The following HEATR5A variants were observed in gnomAD, a reference collection of about 807,000 sequenced individuals.
The protein encoded by HEATR5A is HEAT repeat containing 5A, also known as HEAT repeat-containing protein 5A.
Under a neutral mutation model 218.8 loss-of-function variants are expected in HEATR5A, and 178 were observed. The ratio of observed to expected loss-of-function variants is 0.81; its 90% CI spans 0.72 to 0.92. The LOEUF (loss-of-function observed/expected upper bound fraction) is 0.92. Ranked by LOEUF, HEATR5A falls within the 40% of genes least tolerant of loss-of-function variation. HEATR5A has a pLI of 0.00. For synonymous variants in HEATR5A, 864 were observed against 871.6 expected (o/e 0.99, Z 0.15); for missense variants, 2,420 against 2,418.9 (o/e 1.00, Z -0.01).
At chr14:31,403,212 A>G (rs550816059) in intron 1 of HEATR5A, among the ~76,000 whole-genome samples, 163 bp from the exon 2 acceptor site, 1 of 152,296 alleles carries the variant, frequency 6.6e-6, no homozygotes, top group Non-Finnish European at 1.5e-5. Flanking sequence ...ACACTGACAT[A>G]AAATCCACCC....
intron 24 of HEATR5A, 97 bp from the exon 25 acceptor site, chr14:31,321,777 C>T (rs1595095097): frequency 1.2e-6 from 1 of 861,800 alleles, no homozygotes; most frequent in African/African-American, 1.7e-5. Flanking sequence ...AATTTTTCCT[C>T]CTTTAAGTAC....
intron 28 of HEATR5A, 46 bp from the exon 29 acceptor site, chr14:31,309,228 T>C: frequency 6.3e-7 from 1 of 1,586,484 alleles, no homozygotes; most frequent in East Asian, 2.2e-5. Context: ...ACTTCCAATA[T>C]ATTTTCTCTT....
intron 31 of HEATR5A, 54 bp downstream of exon 31, chr14:31,306,678 T>C: frequency 2.0e-6 from 3 of 1,516,814 alleles, no homozygotes; most frequent in Middle Eastern, 3.5e-4. Context: ...TAAATAATAC[T>C]TTACAAAAGA....
In HEATR5A at chr14:31,336,213, C is replaced by CACACACACATATAT. The variant is rs758047507; in HGVS notation, c.3367+1262_3367+1263insATATATGTGTGTGT. Among the ~76,000 whole-genome samples, 48 of 90,732 alleles carry CACACACACATATAT rather than the reference C, an allele frequency of 5.3e-4. 1 individual carries two copies. The highest frequency in any genetic ancestry group is 1.6e-3 in the African/African-American group (45 of 27,602). The allele number at this position is 90,732 out of a possible 152,430, so 59.5% of individuals were successfully genotyped here. On this transcript the variant is annotated intron_variant, in intron 22 of 35. Coordinates refer to ENST00000543095, the MANE Select transcript of HEATR5A (RefSeq NM_015473.4). ...AGGGGGTTATTTTTATATATACATACATACATATATATATATATATATATA... is the reference window on the plus strand; with the variant it reads ...AGGGGGTTATTTTTATATATACATACACACACACATATATATACATATATATATATATATATATA...
chr14:31,406,996 A>AAAAAG (rs2031087866), intron 1 of HEATR5A, among the ~76,000 whole-genome samples: 1 of 147,586 alleles, frequency 6.8e-6, no homozygotes, highest in South Asian at 2.2e-4. Flanking sequence ...AAAAAAAAAA[A>AAAAAG]GCGAGAAGTA....
At chr14:31,301,006 T>A (rs1487014656) in intron 33 of HEATR5A, among the ~76,000 whole-genome samples, 19 of 152,212 alleles carry the variant, frequency 1.2e-4, no homozygotes, top group Admixed American at 1.2e-3. Context: ...AATCACACCC[T>A]ACGGCAATTT....
chr14:31,310,634 C>T (rs1899715421), intron 28 of HEATR5A, among the ~76,000 whole-genome samples: 1 of 151,866 alleles, frequency 6.6e-6, no homozygotes. Context: ...AGCAAGACTC[C>T]ACCTCAAATA....
At chr14:31,369,043 T>C (rs1463399997) in intron 13 of HEATR5A, among the ~76,000 whole-genome samples, 1 of 152,022 alleles carries the variant, frequency 6.6e-6, no homozygotes, top group East Asian at 1.9e-4. Context: ...CACAAGATAA[T>C]CTAAGCACTT....
chr14:31,318,790 C>A (rs1310514839), intron 25 of HEATR5A, among the ~76,000 whole-genome samples: 1 of 152,142 alleles, frequency 6.6e-6, no homozygotes, highest in African/African-American at 2.4e-5. Context: ...CCCAGCCTCT[C>A]CCCAACTCTT....
chr14:31,374,066 G>A (rs563520916), intron 12 of HEATR5A, among the ~76,000 whole-genome samples: 2 of 152,226 alleles, frequency 1.3e-5, no homozygotes, highest in East Asian at 1.9e-4. Flanking sequence ...AACACTTTGG[G>A]AGGCTGAGGT....
In HEATR5A at chr14:31,308,784, T is replaced by C. The variant is rs1899638368; in HGVS notation, c.4690+150A>G. ...GCAGAGAGCTTAAGTAATTTATTTA[T>C]ATTTTTATTTTCAGTTGACAATAAT... On this transcript the variant is annotated intron_variant, in intron 29 of 35. Transcript: ENST00000543095. 6.6e-6 allele frequency: 4 copies of C among 609,664 alleles called. No homozygotes were observed. In the Admixed American group the frequency reaches 9.9e-5, roughly 15 times the overall value. The allele number at this position is 609,664 out of a possible 1,614,324, so 37.8% of individuals were successfully genotyped here.
At chr14:31,316,423 T>C (rs1899914367) in intron 26 of HEATR5A, among the ~76,000 whole-genome samples, 1 of 152,148 alleles carries the variant, frequency 6.6e-6, no homozygotes, top group Non-Finnish European at 1.5e-5. Context: ...AGAAATCCTA[T>C]GGAAGGAGAC....
chr14:31,371,877 G>A lies in HEATR5A; in HGVS notation c.1894C>T (p.Leu632Phe). ...CGCTGAGTTACTTCCTCAGTAAGAA[G>A]ATCACCACAGTGGGAAACAAAGCTC... is the stretch of plus-strand genomic sequence containing the variant. ...IKSFVSHCGD[L>F]LTEEVTQRLL... Residue 632 changes from leucine to phenylalanine, a missense_variant, in exon 13 of 36, where the codon CTT becomes TTT. Leu to Phe is a conservative substitution (Grantham distance 22, BLOSUM62 0). Coordinates refer to ENST00000543095, the MANE Select transcript of HEATR5A (RefSeq NM_015473.4). 6.5e-7 allele frequency: 1 copy of A among 1,549,642 alleles called. No individual in the cohort carries two copies. The highest frequency in any genetic ancestry group is 8.7e-7 in the Non-Finnish European group (1 of 1,145,072).
intron 16 of HEATR5A, among the ~76,000 whole-genome samples, chr14:31,352,517 A>AT (rs1216076772): frequency 6.6e-6 from 1 of 152,172 alleles, no homozygotes; most frequent in East Asian, 1.9e-4. Context: ...GTAAATGGCA[A>AT]TTTTATTATC....
Position 31,321,510 on chromosome 14 carries a change from A to T in HEATR5A, c.3958T>A (p.Tyr1320Asn). 6.3e-7 allele frequency: 1 copy of T among 1,591,724 alleles called. No homozygotes were observed. Among genetic ancestry groups the T allele is most frequent in the Non-Finnish European group, 8.6e-7 (1 of 1,168,336 alleles). ...EFPGHVILEQ[Y>N]QANVGAALRP... ...AAGAAAGTGCTTACATTGGCTTGAT[A>T]CTGTTCCAGAATCACATGACCTGGA... The change falls in exon 25 of 36, where the codon TAT becomes AAT. Residue 1320 changes from tyrosine to asparagine, a missense_variant. Tyr to Asn is a moderately radical substitution (Grantham distance 143, BLOSUM62 -2). Coordinates refer to ENST00000543095, the MANE Select transcript of HEATR5A (RefSeq NM_015473.4).
intron 13 of HEATR5A, among the ~76,000 whole-genome samples, chr14:31,366,690 C>T (rs1020753654): frequency 6.6e-6 from 1 of 152,068 alleles, no homozygotes; most frequent in Non-Finnish European, 1.5e-5. Context: ...GTTAGACTTA[C>T]AGAAAGAGAC....
chr14:31,306,875 A>G lies in HEATR5A; in HGVS notation c.4823T>C (p.Leu1608Ser). Reference protein sequence around the residue: ...PRSKIGSDQDLGIELLNVLHR... With the variant: ...PRSKIGSDQDSGIELLNVLHR... ...TAGAACATTCAGCAATTCTATACCC[A>G]AGTCCTATCATGGAAATCATGTACA... Residue 1608 changes from leucine (L) to serine (S), a missense_variant, in exon 31 of 36, where the codon TTG becomes TCG. Coordinates refer to ENST00000543095, the MANE Select transcript of HEATR5A (RefSeq NM_015473.4). 6.2e-7 allele frequency: 1 copy of G among 1,602,794 alleles called. No individual in the cohort carries two copies. Among genetic ancestry groups the G allele is most frequent in the Non-Finnish European group, 8.5e-7 (1 of 1,172,932 alleles).
chr14:31,395,606 A>G lies in HEATR5A; in HGVS notation c.448-258T>C, dbSNP rs8004393. On this transcript the variant is annotated intron_variant, in intron 4 of 35. Transcript: ENST00000543095. ...AAACAAAATTACATGAAAAGTGCCTAGCAAAAAGCTTACATGCCATTAAGC... is the reference window on the plus strand; with the variant it reads ...AAACAAAATTACATGAAAAGTGCCTGGCAAAAAGCTTACATGCCATTAAGC... Among the ~76,000 whole-genome samples, 1,349 of 152,370 alleles carry G rather than the reference A, an allele frequency of 8.9e-3. 14 individuals carry two copies. The highest frequency in any genetic ancestry group is 0.031 in the African/African-American group (1,276 of 41,584).
intron 16 of HEATR5A, among the ~76,000 whole-genome samples, chr14:31,354,928 T>C (rs1901368855): frequency 6.6e-6 from 1 of 152,186 alleles, no homozygotes; most frequent in Non-Finnish European, 1.5e-5. Context: ...GCAGTCCATT[T>C]ATCACAATCA....
Sources: allele counts gnomAD v4.1 joint callset (sites outside exome capture counted in the v4.1 genomes callset), GRCh38; gene constraint gnomAD v4.1.1; transcripts MANE v1.5; gene names NCBI Gene and HGNC (gene_info 2026-07-23, HGNC 2026-07-21).